The following RTTN variants were observed in gnomAD, a reference collection of about 807,000 sequenced individuals.
RTTN encodes the protein rotatin.
RTTN carries 182 observed loss-of-function variants against 269.2 expected under a neutral mutation model. The observed-to-expected ratio is 0.68, with a 90% CI of 0.60 to 0.76. The LOEUF is 0.76. Among genes scored for constraint, RTTN ranks in the 30% least tolerant of loss-of-function variants. The pLI, the probability that RTTN is intolerant of heterozygous loss-of-function variation, is 0.00. For synonymous variants in RTTN, 1,006 were observed against 963.5 expected, an observed-to-expected ratio of 1.04 and a Z score of -0.82; for missense variants, 2,545 against 2,608.6, an observed-to-expected ratio of 0.98 and a Z score of 0.53.
intron 28 of RTTN, among the ~76,000 whole-genome samples, chr18:70,094,830 G>C (rs548978923): frequency 1.3e-5 from 2 of 151,922 alleles, no homozygotes; most frequent in Non-Finnish European, 1.5e-5. Flanking sequence ...TTCAACTCTT[G>C]AATATCCCTT....
chr18:70,198,712 C>G (rs1206041899), intron 5 of RTTN, among the ~76,000 whole-genome samples: 1 of 152,148 alleles, frequency 6.6e-6, no homozygotes, highest in Non-Finnish European at 1.5e-5. Context: ...CAACCTTATC[C>G]ACATGGTTTA....
intron 32 of RTTN, among the ~76,000 whole-genome samples, chr18:70,080,946 A>T (rs1397927662): frequency 2.6e-5 from 4 of 151,204 alleles, no homozygotes; most frequent in African/African-American, 9.8e-5. Flanking sequence ...ACACACACAC[A>T]CACACACACA....
chr18:70,193,837 C>T (rs2061739594), intron 7 of RTTN, among the ~76,000 whole-genome samples: 2 of 152,180 alleles, frequency 1.3e-5, no homozygotes, highest in Non-Finnish European at 2.9e-5. Context: ...CCATAAAGCT[C>T]TTAGCGGAAA....
intron 30 of RTTN, 51 bp downstream of exon 30, chr18:70,092,059 C>A: frequency 8.1e-7 from 1 of 1,230,026 alleles, no homozygotes; most frequent in South Asian, 1.2e-5. Context: ...GGCCCCGTGT[C>A]ATTTGTTTTT....
intron 23 of RTTN, chr18:70,130,815 A>C (rs2059979695): frequency 6.6e-6 from 1 of 152,042 alleles, no homozygotes; most frequent in South Asian, 2.1e-4. Flanking sequence ...ACAGAGAATC[A>C]ATAAATGTTA....
At chr18:70,029,299 T>C (rs1397273040) in intron 42 of RTTN, among the ~76,000 whole-genome samples, 2 of 152,188 alleles carry the variant, frequency 1.3e-5, no homozygotes, top group South Asian at 2.1e-4. Context: ...ATAACGGCCT[T>C]ACCTACACAC....
intron 35 of RTTN, among the ~76,000 whole-genome samples, chr18:70,062,829 C>T (rs1218162262): frequency 6.6e-6 from 1 of 152,090 alleles, no homozygotes; most frequent in East Asian, 1.9e-4. Flanking sequence ...AAAAGTATCT[C>T]CCACCTCAGC....
intron 32 of RTTN, among the ~76,000 whole-genome samples, chr18:70,081,043 G>A (rs1417065700): frequency 6.6e-6 from 1 of 152,068 alleles, no homozygotes; most frequent in Non-Finnish European, 1.5e-5. Flanking sequence ...TGAGATTGGA[G>A]ACTATTATTC....
At chr18:70,040,066 AC>A (rs532480437) in intron 40 of RTTN, among the ~76,000 whole-genome samples, 33 of 152,314 alleles carry the variant, frequency 2.2e-4, no homozygotes, top group African/African-American at 7.7e-4. Context: ...GAATGAGATC[AC>A]AAAACAATTA....
At position 70,017,944 on chromosome 18, in the gene RTTN, T is replaced by C. The variant is rs561819828; in HGVS notation, c.6154-270A>G. 2.6e-5 allele frequency among the ~76,000 whole-genome samples: 4 copies of C among 152,324 alleles called. No homozygotes were observed. In the South Asian group the frequency reaches 6.2e-4, roughly 24 times the overall value. ...TAGTTAACTCTTAATTATTTAGAAT[T>C]GGTAATTAAGTTTGGAGATTATTTC... On this transcript the variant is annotated intron_variant, in intron 45 of 48. Coordinates refer to ENST00000640769, the MANE Select transcript of RTTN (RefSeq NM_173630.4).
rs548851788 is a variant in RTTN at position 70,176,180 on chromosome 18, T to C, written c.1476+495A>G. Among the ~76,000 whole-genome samples the C allele has an allele frequency of 2.6e-4, 39 of 151,224 alleles. 1 individual carries two copies. In the South Asian group the frequency reaches 2.7e-3, roughly 11 times the overall value. On this transcript the variant is annotated intron_variant, in intron 11 of 48. Transcript: ENST00000640769. ...AAACATATACATGTATATGTATATG[T>C]ATACGTAGATGTAGATGTAGATGTA...
At chr18:70,118,415 G>T (rs2059652116) in intron 26 of RTTN, among the ~76,000 whole-genome samples, 1 of 151,868 alleles carries the variant, frequency 6.6e-6, no homozygotes, top group Non-Finnish European at 1.5e-5. Flanking sequence ...AATCTGAACA[G>T]ACCAATAATA....
intron 28 of RTTN, among the ~76,000 whole-genome samples, chr18:70,094,660 G>A (rs1029376596): frequency 6.6e-6 from 1 of 152,084 alleles, no homozygotes; most frequent in African/African-American, 2.4e-5. Flanking sequence ...TGTTTGTTAT[G>A]ATTTCCATTC....
intron 27 of RTTN, among the ~76,000 whole-genome samples, chr18:70,114,063 T>A (rs1427299788): frequency 1.3e-5 from 2 of 152,164 alleles, no homozygotes; most frequent in Non-Finnish European, 2.9e-5. Flanking sequence ...TTTTTATTTT[T>A]AAAAAACAGA....
intron 14 of RTTN, among the ~76,000 whole-genome samples, chr18:70,161,819 T>C (rs1031843841): frequency 6.6e-6 from 1 of 152,132 alleles, no homozygotes; most frequent in Admixed American, 6.5e-5. Context: ...CCAGTCAGAA[T>C]GGCTATTATT....
intron 14 of RTTN, among the ~76,000 whole-genome samples, chr18:70,152,349 C>A (rs1185300308): frequency 6.6e-6 from 1 of 152,046 alleles, no homozygotes; most frequent in African/African-American, 2.4e-5. Flanking sequence ...AGTTGAATGA[C>A]CTTGGACAAA....
chr18:70,015,511 T>A (rs761002748), intron 46 of RTTN, among the ~76,000 whole-genome samples: 8 of 151,980 alleles, frequency 5.3e-5, no homozygotes, highest in Non-Finnish European at 1.0e-4. Flanking sequence ...CCTCCATAAA[T>A]CCCCAAGTGG....
chr18:70,048,211 G>C, intron 39 of RTTN, 23 bp from the exon 40 acceptor site: 1 of 1,580,816 alleles, frequency 6.3e-7, no homozygotes, highest in East Asian at 2.3e-5. Context: ...TTTCAGATGT[G>C]AATGTTTGAA....
chr18:70,184,041 A>C (rs1353249969), intron 10 of RTTN, among the ~76,000 whole-genome samples: 3 of 152,046 alleles, frequency 2.0e-5, no homozygotes, highest in Non-Finnish European at 2.9e-5. Flanking sequence ...GTGCTTCAGA[A>C]CCCTCCCAAA....
Sources: gnomAD v4.1 joint callset for allele counts (sites outside exome capture counted in the v4.1 genomes callset) on GRCh38, gnomAD v4.1.1 for gene constraint, MANE v1.5 for transcripts, NCBI Gene and HGNC (gene_info 2026-07-23, HGNC 2026-07-21) for gene names.